Variants in PDIA5 observed in about 807,000 individuals in gnomAD.
PDIA5 encodes protein disulfide isomerase family A member 5.
In PDIA5, 58 loss-of-function variants were observed where a neutral mutation model predicts 77.6. The ratio of observed to expected loss-of-function variants is 0.75; its 90% CI spans 0.61 to 0.93. The LOEUF (loss-of-function observed/expected upper bound fraction) is 0.93, where lower values mean the gene tolerates loss of function less well. Ranked by LOEUF, PDIA5 falls within the 40% of genes least tolerant of loss-of-function variation. The pLI is 0.00. For synonymous variants in PDIA5, 250 were observed against 252.1 expected (o/e 0.99, Z 0.08); for missense variants, 630 against 647.7 (o/e 0.97, Z 0.30).
chr3:123,153,061 C>G (rs529474552), intron 14 of PDIA5, among the ~76,000 whole-genome samples: 3 of 151,726 alleles, frequency 2.0e-5, no homozygotes, highest in Admixed American at 1.3e-4. Context: ...CTTTCTGAAA[C>G]AGCCCTCCCT....
At chr3:123,085,438 C>T (rs1428647329) in intron 1 of PDIA5, among the ~76,000 whole-genome samples, 1 of 152,172 alleles carries the variant, frequency 6.6e-6, no homozygotes, top group Non-Finnish European at 1.5e-5. Context: ...TTGGGCTTAA[C>T]TTCTCTACTG....
At chr3:123,159,465 A>G (rs534391662) in intron 15 of PDIA5, among the ~76,000 whole-genome samples, 1 of 152,330 alleles carries the variant, frequency 6.6e-6, no homozygotes, top group East Asian at 1.9e-4. Context: ...TGTTTAGCCT[A>G]CCTGAAGGAC....
At chr3:123,160,283 G>A (rs1207046963) in intron 15 of PDIA5, among the ~76,000 whole-genome samples, 4 of 152,216 alleles carry the variant, frequency 2.6e-5, no homozygotes, top group East Asian at 1.9e-4. Context: ...ACCCTCAACC[G>A]GAAACAAGTT....
chr3:123,150,183 T>TA, intron 13 of PDIA5, 51 bp from the exon 14 acceptor site: 1 of 1,474,336 alleles, frequency 6.8e-7, no homozygotes, highest in Non-Finnish European at 9.3e-7. Flanking sequence ...TCCTTGCCCA[T>TA]CTAAAAATCT....
chr3:123,155,143 G>A, intron 15 of PDIA5, 102 bp downstream of exon 15: 1 of 817,178 alleles, frequency 1.2e-6, no homozygotes, highest in Non-Finnish European at 2.1e-6. Flanking sequence ...GGTCTGCTAA[G>A]ACCTGTAAGC....
chr3:123,072,558 G>A (rs1933748862), intron 1 of PDIA5, among the ~76,000 whole-genome samples: 1 of 152,176 alleles, frequency 6.6e-6, no homozygotes, highest in Admixed American at 6.5e-5. Flanking sequence ...ACTTGGAGCT[G>A]AGCTCTTGAC....
At chr3:123,130,209 A>G (rs150060139) in intron 10 of PDIA5, among the ~76,000 whole-genome samples, 8 of 152,374 alleles carry the variant, frequency 5.3e-5, no homozygotes, top group Middle Eastern at 6.8e-3. Context: ...TTCTTAGGCT[A>G]TCTAGAGAGC....
In PDIA5 at chr3:123,102,797, G is replaced by A. The variant is rs748857306; in HGVS notation, c.387+1G>A. ...ATATAACCGAGCTGTGACATTTAAG[G>A]TAAATTTACCTCCCTTGTTCTCAGC... On this transcript the variant is annotated splice_donor_variant, in intron 5 of 16. Transcript: ENST00000316218. LOFTEE classifies it high-confidence loss of function. 5.6e-6 allele frequency: 9 copies of A among 1,602,014 alleles called. No homozygotes were observed. The highest frequency in any genetic ancestry group is 7.7e-6 in the Non-Finnish European group (9 of 1,168,908).
At chr3:123,089,017 G>A (rs1001632499) in intron 1 of PDIA5, 151 bp from the exon 2 acceptor site, 1 of 661,408 alleles carries the variant, frequency 1.5e-6, no homozygotes, top group Non-Finnish European at 2.5e-6. Context: ...TGTCCCTAGA[G>A]GTGAAGAAGT....
intron 10 of PDIA5, among the ~76,000 whole-genome samples, chr3:123,129,695 G>A (rs906003844): frequency 1.3e-5 from 2 of 152,160 alleles, no homozygotes; most frequent in Admixed American, 6.5e-5. Flanking sequence ...GGGCCCCTGC[G>A]AGCCTCCCTC....
intron 1 of PDIA5, among the ~76,000 whole-genome samples, chr3:123,068,644 C>T (rs1443444092): frequency 6.6e-6 from 1 of 152,194 alleles, no homozygotes; most frequent in Non-Finnish European, 1.5e-5. Flanking sequence ...TGAAAACAAA[C>T]GGCTTGAGAA....
At chr3:123,133,093 G>T (rs991191850) in intron 11 of PDIA5, among the ~76,000 whole-genome samples, 25 of 152,214 alleles carry the variant, frequency 1.6e-4, no homozygotes, top group Non-Finnish European at 3.7e-4. Context: ...GAATGTACAT[G>T]CTTTAGGGAG....
chr3:123,091,748 G>A (rs945748580), intron 2 of PDIA5, among the ~76,000 whole-genome samples: 3 of 152,234 alleles, frequency 2.0e-5, no homozygotes, highest in Admixed American at 1.3e-4. Flanking sequence ...TTCTGGGGAA[G>A]TGGGCTGTTA....
chr3:123,157,353 G>A (rs1254325313), intron 15 of PDIA5, among the ~76,000 whole-genome samples: 2 of 152,198 alleles, frequency 1.3e-5, no homozygotes, highest in Non-Finnish European at 2.9e-5. Context: ...GAGTCTCTGG[G>A]GGATGGTGCT....
intron 8 of PDIA5, 96 bp from the exon 9 acceptor site, chr3:123,123,970 T>C: frequency 1.2e-6 from 1 of 803,014 alleles, no homozygotes; most frequent in East Asian, 2.5e-5. Flanking sequence ...GTCCCATATG[T>C]CTTTCTGGTG....
intron 1 of PDIA5, among the ~76,000 whole-genome samples, chr3:123,072,987 C>T (rs943308907): frequency 1.7e-4 from 25 of 150,002 alleles, no homozygotes; most frequent in African/African-American, 3.2e-4. Flanking sequence ...TAGGTCCCAA[C>T]GGGAGAGGGA....
intron 6 of PDIA5, among the ~76,000 whole-genome samples, chr3:123,107,109 A>G (rs541116810): frequency 6.6e-6 from 1 of 152,318 alleles, no homozygotes; most frequent in Admixed American, 6.5e-5. Context: ...GATTTTCCAT[A>G]CATTAATGTA....
At chr3:123,116,115 T>G in intron 7 of PDIA5, 116 bp from the exon 8 acceptor site, 2 of 842,444 alleles carry the variant, frequency 2.4e-6, no homozygotes, top group Non-Finnish European at 4.1e-6. Context: ...GTCCTGAGCT[T>G]CTCAAGGCTG....
At chr3:123,132,597 G>A (rs1325791229) in intron 11 of PDIA5, among the ~76,000 whole-genome samples, 1 of 152,240 alleles carries the variant, frequency 6.6e-6, no homozygotes, top group Admixed American at 6.5e-5. Context: ...GCATCCCCGA[G>A]GGTAAAGGTA....
Sources: gnomAD v4.1 joint callset for allele counts (sites outside exome capture counted in the v4.1 genomes callset) on GRCh38, gnomAD v4.1.1 for gene constraint, MANE v1.5 for transcripts, NCBI Gene and HGNC (gene_info 2026-07-23, HGNC 2026-07-21) for gene names.